TMPRSS6: variants seen among roughly 807,000 people sequenced by gnomAD.
TMPRSS6 encodes the protein transmembrane protease serine 6.
In TMPRSS6, 67 loss-of-function variants were observed where a neutral mutation model predicts 101.5. The ratio of observed to expected loss-of-function variants is 0.66; its 90% CI spans 0.54 to 0.81. The LOEUF is 0.81. Ranked by LOEUF, TMPRSS6 falls within the 30% of genes least tolerant of loss-of-function variation. TMPRSS6 has a pLI of 0.00. For synonymous variants in TMPRSS6, 453 were observed against 464.9 expected (o/e 0.97, Z 0.33); for missense variants, 1,034 against 1,088.7 (o/e 0.95, Z 0.71).
intron 6 of TMPRSS6, among the ~76,000 whole-genome samples, chr22:37,090,312 G>A (rs1929154608): frequency 6.6e-6 from 1 of 152,230 alleles, no homozygotes; most frequent in South Asian, 2.1e-4. Flanking sequence ...GCCATAGGGA[G>A]CCACAGAAGG....
intron 1 of TMPRSS6, among the ~76,000 whole-genome samples, chr22:37,105,346 A>T (rs1353865900): frequency 6.6e-6 from 1 of 152,186 alleles, no homozygotes; most frequent in Non-Finnish European, 1.5e-5. Flanking sequence ...AGGCCAGGGA[A>T]TGGTAAATGG....
chr22:37,105,743 C>T (rs1257328105), intron 1 of TMPRSS6, among the ~76,000 whole-genome samples: 3 of 152,216 alleles, frequency 2.0e-5, no homozygotes, highest in African/African-American at 7.2e-5. Context: ...GATCATAGCT[C>T]ACCCCAGCCT....
At position 37,069,538 on chromosome 22, in the gene TMPRSS6, G is replaced by A. The variant is rs1926694853; in HGVS notation, c.1842-194C>T. On this transcript the variant is annotated intron_variant, in intron 15 of 17. Coordinates refer to ENST00000676104, the MANE Select transcript of TMPRSS6 (RefSeq NM_001374504.1). The surrounding 1 kb of genome is among the most constrained non-coding windows in gnomAD (Gnocchi z 4.8). ...AGCCTTCACCCACTCGGCCTGCCTG[G>A]GTTCCACGCCCCAGCTTCATCCCTC... Among the ~76,000 whole-genome samples, 1 of 152,120 alleles carries A rather than the reference G, an allele frequency of 6.6e-6. No homozygotes were observed. Among genetic ancestry groups the A allele is most frequent in the Non-Finnish European group, 1.5e-5 (1 of 68,016 alleles).
intron 7 of TMPRSS6, 42 bp from the exon 8 acceptor site, chr22:37,086,461 G>A: frequency 6.4e-7 from 1 of 1,553,130 alleles, no homozygotes; most frequent in Non-Finnish European, 8.7e-7. Flanking sequence ...TGGGGTCTGG[G>A]AGGGGAGTGG....
intron 13 of TMPRSS6, 76 bp downstream of exon 13, chr22:37,073,456 A>T: frequency 1.1e-6 from 1 of 951,488 alleles, no homozygotes; most frequent in Non-Finnish European, 1.7e-6. Context: ...GAGAAGCTAG[A>T]AACTTTTGCT....
At chr22:37,086,489 G>A (rs1007539355) in intron 7 of TMPRSS6, 70 bp from the exon 8 acceptor site, 108 of 1,515,318 alleles carry the variant, frequency 7.1e-5, no homozygotes, top group East Asian at 6.4e-4. Flanking sequence ...GGCGGCAGGC[G>A]GCTGCTGGGG....
At chr22:37,084,594 G>C in intron 9 of TMPRSS6, 133 bp downstream of exon 9, 1 of 867,728 alleles carries the variant, frequency 1.2e-6, no homozygotes, top group Non-Finnish European at 1.9e-6. Flanking sequence ...CACCCTGGCA[G>C]GATGTGTACC....
intron 10 of TMPRSS6, chr22:37,084,063 G>A (rs989489863): frequency 1.1e-4 from 63 of 599,682 alleles, no homozygotes; most frequent in Non-Finnish European, 1.7e-4. Context: ...ATGACCAAAC[G>A]TGTCTGAGAC....
Position 37,070,491 on chromosome 22 carries a change from C to T in TMPRSS6, c.1834G>A (p.Glu612Lys), listed in dbSNP as rs766518367. The change falls in exon 15 of 18, where the codon GAG (glutamate) becomes AAG (lysine). Residue 612 changes from glutamate (E) to lysine (K), a missense_variant. Transcript: ENST00000676104. ...CCACACCCTCCCGCTCACCTGTCCTCCTGGAAGCAGTGGGCAGCTGTTATC... is the reference window on the plus strand; with the variant it reads ...CCACACCCTCCCGCTCACCTGTCCTTCTGGAAGCAGTGGGCAGCTGTTATC... ...WVITAAHCFQ[E>K]DSMASTVLWT... 2.3e-5 allele frequency: 37 copies of T among 1,613,506 alleles called. 2 individuals carry two copies. Among genetic ancestry groups the T allele is most frequent in the South Asian group, 2.1e-4 (19 of 91,082 alleles).
intron 1 of TMPRSS6, among the ~76,000 whole-genome samples, chr22:37,105,245 G>C (rs1930639404): frequency 6.6e-6 from 1 of 152,198 alleles, no homozygotes. Flanking sequence ...AGGGACTGCA[G>C]GGGACCCTCA....
chr22:37,105,267 A>C (rs1337130102), intron 1 of TMPRSS6, among the ~76,000 whole-genome samples: 2 of 152,212 alleles, frequency 1.3e-5, no homozygotes, highest in African/African-American at 2.4e-5. Context: ...TGGGCATGAC[A>C]TCCCCCTCCA....
chr22:37,076,189 A>C (rs903007227), intron 10 of TMPRSS6, among the ~76,000 whole-genome samples: 11 of 152,246 alleles, frequency 7.2e-5, no homozygotes, highest in African/African-American at 2.4e-4. Flanking sequence ...CTGTCCACAG[A>C]TGTGCACGGT....
rs1284089919 is a variant in TMPRSS6 at position 37,066,506 on chromosome 22, C to T, written c.2251-268G>A. Among the ~76,000 whole-genome samples, 5 of 152,244 alleles carry T rather than the reference C, an allele frequency of 3.3e-5. No individual in the cohort carries two copies. The East Asian group carries it at 7.7e-4, about 23-fold the overall frequency. ...CTCCGCCTCCCTTCTGTGGCTGACA[C>T]CCCTTTCTTCTTCCATGCATCCACC... On this transcript the variant is annotated intron_variant, in intron 17 of 17. Transcript: ENST00000676104.
At chr22:37,107,490 GC>G (rs1290537199) in intron 1 of TMPRSS6, among the ~76,000 whole-genome samples, 1 of 140,986 alleles carries the variant, frequency 7.1e-6, no homozygotes, top group Non-Finnish European at 1.5e-5. Context: ...CCCCTTCTTG[GC>G]CCCCCATGAC....
At position 37,084,808 on chromosome 22, in the gene TMPRSS6, C is replaced by G. The variant is rs753572390; in HGVS notation, c.1005G>C (p.Arg335Ser). 5 of 1,559,808 alleles carry G rather than the reference C, an allele frequency of 3.2e-6. No homozygotes were observed. In the African/African-American group the frequency reaches 4.1e-5, roughly 13 times the overall value. ...TGCTGAGGACGCCCTGGGAGTCGAGCCTGTTGTCCAGCGTCAGGTTCACTT... is the reference window on the plus strand; with the variant it reads ...TGCTGAGGACGCCCTGGGAGTCGAGGCTGTTGTCCAGCGTCAGGTTCACTT... Reference protein sequence around the residue: ...ACEVNLTLDNRLDSQGVLSTP... With the variant: ...ACEVNLTLDNSLDSQGVLSTP... The change falls in exon 9 of 18, where the codon AGG (arginine) becomes AGC (serine). Residue 335 changes from arginine to serine, a missense_variant. Arg to Ser is a moderately radical substitution (Grantham distance 110). Coordinates refer to ENST00000676104, the MANE Select transcript of TMPRSS6 (RefSeq NM_001374504.1).
Position 37,103,291 on chromosome 22 carries a change from G to A in TMPRSS6, c.127C>T (p.Arg43Cys), listed in dbSNP as rs750274321. Residue 43 changes from arginine (R) to cysteine (C), a missense_variant, in exon 2 of 18, where the codon CGC becomes TGC. Coordinates refer to ENST00000676104, the MANE Select transcript of TMPRSS6 (RefSeq NM_001374504.1). This position sits in a 1 kb window ranked among gnomAD's most constrained non-coding sequence, Gnocchi z 4.4. ...DSKRKARGYL[R>C]LVPLFVLLAL... The stretch of plus-strand genomic sequence containing the variant: ...AGCAGCACAAACAGGGGCACCAGGC[G>A]GAGGTAGCCCCGGGCTTTTCTCTTG... 73 of 1,614,048 alleles carry A rather than the reference G, an allele frequency of 4.5e-5. No homozygotes were observed. Among genetic ancestry groups the A allele is most frequent in the Middle Eastern group, 3.3e-4 (2 of 6,084 alleles).
At position 37,075,165 on chromosome 22, in the gene TMPRSS6, C is replaced by T. The variant is rs1405822577; in HGVS notation, c.1312G>A (p.Val438Met). 2.5e-6 allele frequency: 4 copies of T among 1,613,970 alleles called. No homozygotes were observed. Among genetic ancestry groups the T allele is most frequent in the East Asian group, 2.2e-5 (1 of 44,894 alleles). The change falls in exon 11 of 18, where the codon GTG (valine) becomes ATG (methionine). Residue 438 changes from valine to methionine, a missense_variant. By Grantham distance (21) the Val-to-Met change is conservative. Coordinates refer to ENST00000676104, the MANE Select transcript of TMPRSS6 (RefSeq NM_001374504.1). ...GACTGGTTGTACAAGCCATAGTGCACCCGCACACCGGGCCCGGTGAGGGAG... is the reference window on the plus strand; with the variant it reads ...GACTGGTTGTACAAGCCATAGTGCATCCGCACACCGGGCCCGGTGAGGGAG... ...QISLTGPGVR[V>M]HYGLYNQSDP...
chr22:37,081,128 G>T (rs1309329811), intron 10 of TMPRSS6, among the ~76,000 whole-genome samples: 1 of 152,230 alleles, frequency 6.6e-6, no homozygotes, highest in Admixed American at 6.5e-5. Context: ...TCCTCGCTGG[G>T]TTGTTGAGGC....
At chr22:37,074,764 G>C (rs1463230929) in intron 11 of TMPRSS6, 56 bp from the exon 12 acceptor site, 11 of 1,571,416 alleles carry the variant, frequency 7.0e-6, no homozygotes, top group Non-Finnish European at 8.7e-6. Flanking sequence ...GCCATGCGTA[G>C]CCGCGAAGGC....
Sources: allele counts gnomAD v4.1 joint callset (sites outside exome capture counted in the v4.1 genomes callset), GRCh38; gene constraint gnomAD v4.1.1; non-coding constraint Gnocchi (gnomAD v3.1); transcripts MANE v1.5; gene names NCBI Gene and HGNC (gene_info 2026-07-23, HGNC 2026-07-21).